The following SLC15A1 variants were observed in gnomAD, a reference collection of about 807,000 sequenced individuals.
SLC15A1 encodes the protein solute carrier family 15 member 1.
Under a neutral mutation model 92.9 loss-of-function variants are expected in SLC15A1, and 83 were observed. The observed-to-expected ratio is 0.89, with a 90% confidence interval of 0.75 to 1.07. SLC15A1 has a LOEUF of 1.07. SLC15A1 is among the 50% of genes least tolerant of loss of function. The pLI, the probability that SLC15A1 is intolerant of heterozygous loss-of-function variation, is 0.00. For synonymous variants in SLC15A1, 322 were observed against 318.2 expected (o/e 1.01, Z -0.13); for missense variants, 857 against 880.1 (o/e 0.97, Z 0.33).
chr13:98,718,827 G>A (rs7985707), intron 8 of SLC15A1, among the ~76,000 whole-genome samples: 3,266 of 152,206 alleles, frequency 0.021, 40 homozygotes, highest in Middle Eastern at 0.044. Flanking sequence ...GTTTGTTTTA[G>A]AGGTAGGGTC....
Position 98,702,512 on chromosome 13 carries a change from G to T in SLC15A1, c.1434C>A (p.Asn478Lys), listed in dbSNP as rs766523628. 1 of 1,608,224 alleles carries T rather than the reference G, an allele frequency of 6.2e-7. No homozygotes were observed. The highest frequency in any genetic ancestry group is 2.2e-5 in the East Asian group (1 of 44,804). The change falls in exon 18 of 23, where the codon AAC becomes AAA. Residue 478 changes from asparagine (N) to lysine (K), a missense_variant. Physicochemically the swap from Asn to Lys is moderately conservative, Grantham distance 94. Coordinates refer to ENST00000376503, the MANE Select transcript of SLC15A1 (RefSeq NM_005073.4). The stretch of plus-strand genomic sequence containing the variant: ...CATTTTCCCCTTTTTCTGGCTTCTG[G>T]TTAAGACCATCCTTTACCTGAGAGA... ...NHYQVVKDGL[N>K]QKPEKGENGI...
At chr13:98,705,088 A>G (rs1311733809) in intron 16 of SLC15A1, among the ~76,000 whole-genome samples, 2 of 150,814 alleles carry the variant, frequency 1.3e-5, no homozygotes, top group Non-Finnish European at 2.9e-5. Context: ...AATCCCAGCT[A>G]TTTAGGTGGC....
At chr13:98,704,515 C>T in intron 16 of SLC15A1, 80 bp from the exon 17 acceptor site, 1 of 1,359,580 alleles carries the variant, frequency 7.4e-7, no homozygotes, top group South Asian at 1.4e-5. Context: ...GAGCAGTTAT[C>T]TGATATTCTG....
At chr13:98,719,562 A>G (rs2088237932) in intron 7 of SLC15A1, among the ~76,000 whole-genome samples, 1 of 152,164 alleles carries the variant, frequency 6.6e-6, no homozygotes, top group Non-Finnish European at 1.5e-5. Flanking sequence ...CTTGGCCAAA[A>G]TCAGCGGCCC....
intron 1 of SLC15A1, among the ~76,000 whole-genome samples, chr13:98,744,381 T>G (rs956212380): frequency 6.9e-6 from 1 of 145,666 alleles, no homozygotes; most frequent in Non-Finnish European, 1.5e-5. Flanking sequence ...TAGAAAAAAA[T>G]GCTTTACAAT....
chr13:98,707,474 G>C (rs992768783), intron 15 of SLC15A1, among the ~76,000 whole-genome samples: 5 of 152,170 alleles, frequency 3.3e-5, no homozygotes, highest in African/African-American at 1.2e-4. Context: ...AAGTAGAATG[G>C]GGGTTGATGG....
At chr13:98,710,831 A>G (rs2139581639) in intron 11 of SLC15A1, among the ~76,000 whole-genome samples, 1 of 149,646 alleles carries the variant, frequency 6.7e-6, no homozygotes, top group East Asian at 2.0e-4. Context: ...AAAAAAAAAA[A>G]AGAAATCTAC....
At chr13:98,718,179 T>C (rs74109655) in intron 8 of SLC15A1, among the ~76,000 whole-genome samples, 2,795 of 152,172 alleles carry the variant, frequency 0.018, 99 homozygotes, top group African/African-American at 0.064. Flanking sequence ...ATTGGAGTGT[T>C]TCAGTGGCAA....
chr13:98,715,743 C>T lies in SLC15A1; in HGVS notation c.723+135G>A. 5 of 671,298 alleles carry T rather than the reference C, an allele frequency of 7.4e-6. No homozygotes were observed. In the South Asian group the frequency reaches 1.1e-4, roughly 14 times the overall value. 41.6% of individuals were successfully genotyped at this position (671,298 alleles called of 1,614,324 possible). ...TGTGTCTTTTTGCATTTAGAAGAAG[C>T]TACAATTTACTGAAACAGTTAAGAA... On this transcript the variant is annotated intron_variant, in intron 9 of 22. Coordinates refer to ENST00000376503, the MANE Select transcript of SLC15A1 (RefSeq NM_005073.4).
At chr13:98,731,528 T>C (rs1024392882) in intron 1 of SLC15A1, among the ~76,000 whole-genome samples, 3 of 152,102 alleles carry the variant, frequency 2.0e-5, no homozygotes, top group African/African-American at 7.2e-5. Flanking sequence ...CTGTTATCCT[T>C]GGCCCTCTTC....
At chr13:98,717,502 G>T in intron 8 of SLC15A1, among the ~76,000 whole-genome samples, 2 of 152,302 alleles carry the variant, frequency 1.3e-5, no homozygotes, top group African/African-American at 4.8e-5. Context: ...GTACAGATGA[G>T]ATAACAATGT....
chr13:98,726,342 G>C, intron 3 of SLC15A1, 26 bp downstream of exon 3: 1 of 1,614,078 alleles, frequency 6.2e-7, no homozygotes, highest in East Asian at 2.2e-5. Flanking sequence ...CTTCCCTGAA[G>C]GGTGAGAAAC....
At chr13:98,716,404 T>C (rs2088211485) in intron 8 of SLC15A1, among the ~76,000 whole-genome samples, 1 of 152,212 alleles carries the variant, frequency 6.6e-6, no homozygotes, top group East Asian at 1.9e-4. Context: ...GGCGGATCAC[T>C]TGAGGTCAGG....
Position 98,719,673 on chromosome 13 carries a change from A to C in SLC15A1, c.557-353T>G, listed in dbSNP as rs551966922. Among the ~76,000 whole-genome samples the C allele has an allele frequency of 5.9e-5, 9 of 152,338 alleles. No homozygotes were observed. In the East Asian group the frequency reaches 1.3e-3, roughly 23 times the overall value. On this transcript the variant is annotated intron_variant, in intron 7 of 22. Transcript: ENST00000376503. ...CAGTAAATCAAAAGTACACTGGAAAATCAATACTATCTGTTCCTGAATTCA... is the reference window on the plus strand; with the variant it reads ...CAGTAAATCAAAAGTACACTGGAAACTCAATACTATCTGTTCCTGAATTCA...
At chr13:98,740,392 C>T (rs1019597785) in intron 1 of SLC15A1, among the ~76,000 whole-genome samples, 2 of 152,206 alleles carry the variant, frequency 1.3e-5, no homozygotes, top group African/African-American at 4.8e-5. Context: ...CGTGCTCTCT[C>T]CTTCCTGCAG....
intron 9 of SLC15A1, among the ~76,000 whole-genome samples, chr13:98,715,619 C>T (rs550272364): frequency 1.1e-4 from 17 of 152,276 alleles, no homozygotes; most frequent in Non-Finnish European, 1.6e-4. Flanking sequence ...TCTGCCATTT[C>T]GACAGATGAA....
chr13:98,703,873 C>T (rs1178960360), intron 17 of SLC15A1, among the ~76,000 whole-genome samples: 1 of 152,000 alleles, frequency 6.6e-6, no homozygotes, highest in Non-Finnish European at 1.5e-5. Context: ...ACCTGGTAGG[C>T]TTATTATACT....
chr13:98,687,293 A>C (rs1179067583), intron 21 of SLC15A1, among the ~76,000 whole-genome samples: 1 of 151,784 alleles, frequency 6.6e-6, no homozygotes, highest in Non-Finnish European at 1.5e-5. Context: ...GACCTTCATC[A>C]CTCTGGTAGC....
chr13:98,743,308 G>T (rs536889975), intron 1 of SLC15A1, among the ~76,000 whole-genome samples: 151 of 152,284 alleles, frequency 9.9e-4, no homozygotes, highest in African/African-American at 3.5e-3. Context: ...TTTTAAAAAG[G>T]TTTCCACACA....
Sources: gnomAD v4.1 joint callset for allele counts (sites outside exome capture counted in the v4.1 genomes callset) on GRCh38, gnomAD v4.1.1 for gene constraint, MANE v1.5 for transcripts, NCBI Gene and HGNC (gene_info 2026-07-23, HGNC 2026-07-21) for gene names.